The following KIAA0825 variants were observed in gnomAD, a reference collection of about 807,000 sequenced individuals.
The protein encoded by KIAA0825 is uncharacterized protein KIAA0825.
In KIAA0825, 119 loss-of-function variants were observed where a neutral mutation model predicts 147.6. That is an observed-to-expected ratio of 0.81 (90% CI 0.69 to 0.94). The LOEUF (loss-of-function observed/expected upper bound fraction) is 0.94, where lower values mean the gene tolerates loss of function less well. Ranked by LOEUF, KIAA0825 falls within the 40% of genes least tolerant of loss-of-function variation. The pLI, the probability that KIAA0825 is intolerant of heterozygous loss-of-function variation, is 0.00. For missense variants in KIAA0825, 1,381 were observed against 1,472.7 expected (o/e 0.94, Z 1.02); for synonymous variants, 470 against 518.1 (o/e 0.91, Z 1.26).
intron 18 of KIAA0825, among the ~76,000 whole-genome samples, chr5:94,389,074 AG>A: frequency 6.6e-6 from 1 of 152,190 alleles, no homozygotes; most frequent in Non-Finnish European, 1.5e-5. Context: ...ATGTGTTTTC[AG>A]AGTTCCAAGC....
rs1766621593 is a variant in KIAA0825, at chr5:94,152,846, A to T, written c.*1161T>A. The T allele has an allele frequency of 1.7e-4, 6 of 36,166 alleles. No individual in the cohort carries two copies. Among genetic ancestry groups the T allele is most frequent in the Admixed American group, 4.0e-4 (1 of 2,510 alleles). 2.2% of individuals were successfully genotyped at this position (36,166 alleles called of 1,614,324 possible). On this transcript the variant is annotated 3_prime_UTR_variant, in exon 21 of 21. Transcript: ENST00000682413. ...GAAAAAAAAAAAAAAAAAAAAAAAAAAAAAAAAAATTATATATATATATAT... is the reference window on the plus strand; with the variant it reads ...GAAAAAAAAAAAAAAAAAAAAAAAATAAAAAAAAATTATATATATATATAT...
Position 94,537,135 on chromosome 5 carries a change from G to A in KIAA0825, c.-1-8C>T. On this transcript the variant is annotated splice_region_variant and splice_polypyrimidine_tract_variant and intron_variant, in intron 2 of 20. Coordinates refer to ENST00000682413, the MANE Select transcript of KIAA0825 (RefSeq NM_001145678.3). ...TCATCATCCCAATCCATTCTGAGGA[G>A]CAAGAATAAATAATAAAACATGTCA... 6.3e-7 allele frequency: 1 copy of A among 1,595,838 alleles called. No homozygotes were observed. The highest frequency in any genetic ancestry group is 8.5e-7 in the Non-Finnish European group (1 of 1,171,746).
chr5:94,496,889 TCCTGTCCAGCCC>T (rs1361770391), intron 5 of KIAA0825, among the ~76,000 whole-genome samples: 1 of 152,116 alleles, frequency 6.6e-6, no homozygotes, highest in Non-Finnish European at 1.5e-5. Flanking sequence ...GCTGCGGTTT[TCCTGTCCAGCCC>T]ACTGTCACCG....
chr5:94,227,983 G>A (rs1287502448), intron 20 of KIAA0825, among the ~76,000 whole-genome samples: 1 of 151,950 alleles, frequency 6.6e-6, no homozygotes, highest in Non-Finnish European at 1.5e-5. Context: ...AAAATTTTAA[G>A]TTTTTCAACA....
chr5:94,455,908 G>A (rs563512545), intron 12 of KIAA0825, among the ~76,000 whole-genome samples: 3 of 152,204 alleles, frequency 2.0e-5, no homozygotes, highest in African/African-American at 7.2e-5. Context: ...AGGTATAAAA[G>A]GAGAGGTGGG....
chr5:94,192,387 T>C (rs1770748227), intron 20 of KIAA0825, among the ~76,000 whole-genome samples: 1 of 152,244 alleles, frequency 6.6e-6, no homozygotes, highest in African/African-American at 2.4e-5. Context: ...TTATGGTACA[T>C]AAAAAGTTCA....
intron 5 of KIAA0825, among the ~76,000 whole-genome samples, chr5:94,501,670 T>C (rs1279696648): frequency 6.6e-6 from 1 of 152,190 alleles, no homozygotes; most frequent in Non-Finnish European, 1.5e-5. Context: ...TTGATGAATC[T>C]ATCTAGATAT....
intron 1 of KIAA0825, among the ~76,000 whole-genome samples, chr5:94,588,500 A>G (rs749619519): frequency 9.9e-5 from 15 of 152,198 alleles, no homozygotes; most frequent in Non-Finnish European, 2.2e-4. Context: ...ACCATCTCAC[A>G]CCAATTAGAA....
chr5:94,423,334 A>G (rs75885546), intron 14 of KIAA0825, among the ~76,000 whole-genome samples: 4,249 of 152,280 alleles, frequency 0.028, 182 homozygotes, highest in African/African-American at 0.096. Context: ...TCTTTATCAA[A>G]TGTTTTATAG....
At chr5:94,350,317 C>G (rs1469662681) in intron 20 of KIAA0825, among the ~76,000 whole-genome samples, 1 of 152,006 alleles carries the variant, frequency 6.6e-6, no homozygotes, top group African/African-American at 2.4e-5. Flanking sequence ...AAGTCTAGGA[C>G]CAGACAGATT....
intron 1 of KIAA0825, among the ~76,000 whole-genome samples, chr5:94,605,419 GC>G (rs1561385218): frequency 6.6e-6 from 1 of 152,078 alleles, no homozygotes; most frequent in African/African-American, 2.4e-5. Flanking sequence ...ATTCTATGAG[GC>G]CAGCATCATC....
At chr5:94,448,145 CAT>C (rs1211589684) in intron 13 of KIAA0825, among the ~76,000 whole-genome samples, 2 of 150,746 alleles carry the variant, frequency 1.3e-5, no homozygotes, top group Non-Finnish European at 3.0e-5. Flanking sequence ...ATACATTTTT[CAT>C]ATGTCTTAGC....
chr5:94,186,080 T>C (rs900840332), intron 20 of KIAA0825, among the ~76,000 whole-genome samples: 1 of 152,154 alleles, frequency 6.6e-6, no homozygotes, highest in Non-Finnish European at 1.5e-5. Flanking sequence ...CAACAGAGTA[T>C]AGGGTAGTAC....
At chr5:94,417,098 A>T (rs550456065) in intron 15 of KIAA0825, 103 bp downstream of exon 15, 1 of 1,093,772 alleles carries the variant, frequency 9.1e-7, no homozygotes, top group South Asian at 1.5e-5. Context: ...TTCACCAACA[A>T]CAGATTCAGC....
chr5:94,351,803 C>T (rs917038154), intron 20 of KIAA0825, among the ~76,000 whole-genome samples: 1 of 152,002 alleles, frequency 6.6e-6, no homozygotes, highest in African/African-American at 2.4e-5. Context: ...TTCGACAAAG[C>T]AAACAAAAAT....
intron 20 of KIAA0825, among the ~76,000 whole-genome samples, chr5:94,360,584 C>T (rs1744926189): frequency 6.6e-6 from 1 of 152,224 alleles, no homozygotes. Flanking sequence ...TGGTCATCCT[C>T]ACTGCTCATG....
chr5:94,544,714 G>A (rs1773987534), intron 2 of KIAA0825, among the ~76,000 whole-genome samples: 1 of 152,058 alleles, frequency 6.6e-6, no homozygotes, highest in South Asian at 2.1e-4. Context: ...ACCTTTTAAT[G>A]TCTCATACTA....
intron 10 of KIAA0825, among the ~76,000 whole-genome samples, chr5:94,469,264 G>A (rs528602487): frequency 5.3e-5 from 8 of 151,700 alleles, no homozygotes; most frequent in Non-Finnish European, 8.8e-5. Flanking sequence ...TACGCCTCCC[G>A]GGTTCAAGCC....
chr5:94,612,081 T>C (rs889724131), intron 1 of KIAA0825: 2 of 152,228 alleles, frequency 1.3e-5, no homozygotes, highest in East Asian at 1.9e-4. Context: ...TTCTAAACTG[T>C]TACTGGGAAC....
Sources: gnomAD v4.1 joint callset for allele counts (sites outside exome capture counted in the v4.1 genomes callset) on GRCh38, gnomAD v4.1.1 for gene constraint, MANE v1.5 for transcripts, NCBI Gene and HGNC (gene_info 2026-07-23, HGNC 2026-07-21) for gene names.